TRIB3: variants seen among roughly 807,000 people sequenced by gnomAD.
TRIB3 encodes the protein tribbles pseudokinase 3, also known as tribbles homolog 3.
A neutral mutation model predicts 16.6 loss-of-function variants in TRIB3; 20 were observed. The ratio of observed to expected loss-of-function variants is 1.20; its 90% CI spans 0.85 to 1.75. The LOEUF is 1.75. Ranked by LOEUF, TRIB3 falls within the 40% of genes most tolerant of loss-of-function variation. The pLI, the probability that TRIB3 is intolerant of heterozygous loss-of-function variation, is 0.00. For synonymous variants in TRIB3, 208 were observed against 217.0 expected (o/e 0.96, Z 0.36); for missense variants, 484 against 488.9 (o/e 0.99, Z 0.10).
At chr20:388,602 G>A (rs1053657314) in intron 2 of TRIB3, among the ~76,000 whole-genome samples, 1 of 151,488 alleles carries the variant, frequency 6.6e-6, no homozygotes, top group East Asian at 1.9e-4. Context: ...GTGGGAGATG[G>A]GAGTTGCAGG....
chr20:394,313 C>T (rs1360660919), intron 3 of TRIB3, among the ~76,000 whole-genome samples: 7 of 152,172 alleles, frequency 4.6e-5, no homozygotes, highest in African/African-American at 1.7e-4. Context: ...CTGCGCCCAG[C>T]CCCCAAGGCT....
At chr20:391,636 G>T in intron 3 of TRIB3, 57 bp downstream of exon 3, 1 of 1,559,426 alleles carries the variant, frequency 6.4e-7, no homozygotes. Context: ...GGGCCATGAT[G>T]GAGAGAAACC....
intron 1 of TRIB3, 134 bp from the exon 2 acceptor site, chr20:387,876 AT>A: frequency 9.6e-7 from 1 of 1,043,576 alleles, no homozygotes; most frequent in Non-Finnish European, 1.4e-6. Flanking sequence ...AGTTAAGGAT[AT>A]GTGACTTTGT....
At chr20:387,961 AG>A in intron 1 of TRIB3, 49 bp from the exon 2 acceptor site, 2 of 1,576,314 alleles carry the variant, frequency 1.3e-6, no homozygotes, top group Non-Finnish European at 1.7e-6. Context: ...AGGGGAAAGG[AG>A]GGGCCACCAA....
At chr20:391,912 C>T (rs546474158) in intron 3 of TRIB3, among the ~76,000 whole-genome samples, 3 of 152,172 alleles carry the variant, frequency 2.0e-5, no homozygotes, top group South Asian at 4.1e-4. Flanking sequence ...ATCCCAGCTA[C>T]TCTGAAGGCT....
chr20:387,372 A>G (rs1462312307), intron 1 of TRIB3, among the ~76,000 whole-genome samples: 1 of 151,954 alleles, frequency 6.6e-6, no homozygotes, highest in African/African-American at 2.4e-5. Flanking sequence ...TCAGAGAGAG[A>G]GATGATAGAT....
intron 1 of TRIB3, among the ~76,000 whole-genome samples, chr20:385,287 A>T (rs1244151533): frequency 1.3e-5 from 2 of 149,552 alleles, no homozygotes; most frequent in East Asian, 3.9e-4. Flanking sequence ...TAATTTTTGT[A>T]GTTTTAGTAG....
intron 2 of TRIB3, among the ~76,000 whole-genome samples, chr20:388,762 AG>A (rs2014893255): frequency 1.3e-5 from 2 of 152,188 alleles, no homozygotes; most frequent in Admixed American, 1.3e-4. Flanking sequence ...GGTGTTAACA[AG>A]GGGCCTCCAC....
chr20:385,843 T>G (rs2014789685), intron 1 of TRIB3: 1 of 151,184 alleles, frequency 6.6e-6, no homozygotes, highest in Non-Finnish European at 1.5e-5. Flanking sequence ...ATAGTAGGGC[T>G]GATCACACTG....
intron 3 of TRIB3, among the ~76,000 whole-genome samples, chr20:395,822 G>A (rs890377136): frequency 1.3e-5 from 2 of 152,080 alleles, no homozygotes; most frequent in Non-Finnish European, 2.9e-5. Context: ...TTTAGGTAGC[G>A]CTTGTGCTGA....
rs2014872552 is a variant in TRIB3 at position 388,148 on chromosome 20, C to T, written c.138C>T (p.Cys46=). The T allele has an allele frequency of 6.2e-7, 1 of 1,614,130 alleles. No individual in the cohort carries two copies. The highest frequency in any genetic ancestry group is 8.5e-7 in the Non-Finnish European group (1 of 1,180,030). The change falls in exon 2 of 4, where the codon TGC becomes TGT. Residue 46 remains cysteine, a synonymous_variant. Coordinates refer to ENST00000217233, the MANE Select transcript of TRIB3 (RefSeq NM_021158.5). ...RSGPQPRLPP[C]LLPLSPPTAP... is the part of the protein sequence containing the mutation. ...GGCCCCAGCCCAGACTGCCCCCCTG[C>T]CTGTTGCCCCTGAGCCCACCTACTG...
intron 1 of TRIB3, 41 bp from the exon 2 acceptor site, chr20:387,970 C>G: frequency 6.3e-7 from 1 of 1,584,856 alleles, no homozygotes. Flanking sequence ...GAGGGGCCAC[C>G]AAGCAGTCTC....
At chr20:387,736 T>G (rs2014857315) in intron 1 of TRIB3, among the ~76,000 whole-genome samples, 1 of 152,200 alleles carries the variant, frequency 6.6e-6, no homozygotes, top group Non-Finnish European at 1.5e-5. Flanking sequence ...ACTAGCTTTC[T>G]ACTGCCTGAC....
chr20:390,601 A>C (rs2014944849), intron 2 of TRIB3, among the ~76,000 whole-genome samples: 1 of 152,152 alleles, frequency 6.6e-6, no homozygotes, highest in African/African-American at 2.4e-5. Flanking sequence ...CTTCTGCATC[A>C]TCCGCCCTTC....
chr20:392,146 G>C (rs893543332), intron 3 of TRIB3, among the ~76,000 whole-genome samples: 2 of 152,106 alleles, frequency 1.3e-5, no homozygotes, highest in African/African-American at 4.8e-5. Flanking sequence ...ATCTAACGTG[G>C]TCTTCCATCC....
intron 1 of TRIB3, among the ~76,000 whole-genome samples, chr20:382,099 C>CTGTGTGTGTG (rs5839857): frequency 2.0e-3 from 288 of 142,350 alleles, no homozygotes; most frequent in Non-Finnish European, 2.6e-3. Context: ...GCTGGGAGGG[C>CTGTGTGTGTG]TGTGTGTGTG....
At chr20:387,038 A>C (rs1600249102) in intron 1 of TRIB3, among the ~76,000 whole-genome samples, 1 of 152,184 alleles carries the variant, frequency 6.6e-6, no homozygotes, top group Non-Finnish European at 1.5e-5. Flanking sequence ...GGCGTGAGCC[A>C]CCACGCCTGG....
intron 2 of TRIB3, among the ~76,000 whole-genome samples, chr20:390,821 A>T (rs542356992): frequency 9.9e-5 from 15 of 152,008 alleles, no homozygotes; most frequent in Admixed American, 7.9e-4. Flanking sequence ...AGCCAACATG[A>T]TGAAACCCCA....
At chr20:390,641 TCTGTTTGGGTGAC>T (rs2014945859) in intron 2 of TRIB3, among the ~76,000 whole-genome samples, 1 of 152,148 alleles carries the variant, frequency 6.6e-6, no homozygotes, top group African/African-American at 2.4e-5. Flanking sequence ...GGGTTATTTT[TCTGTTTGGGTGAC>T]CTGTTACTTT....
Sources: allele counts gnomAD v4.1 joint callset (sites outside exome capture counted in the v4.1 genomes callset), GRCh38; gene constraint gnomAD v4.1.1; transcripts MANE v1.5; gene names NCBI Gene and HGNC (gene_info 2026-07-23, HGNC 2026-07-21).